Variants in GOLGA7 observed in about 807,000 individuals in gnomAD.
GOLGA7 encodes the protein golgin subfamily A member 7.
GOLGA7 carries 10 observed loss-of-function variants against 21.1 expected under a neutral mutation model. The ratio of observed to expected loss-of-function variants is 0.47; its 90% confidence interval spans 0.29 to 0.80. GOLGA7 has a LOEUF of 0.80. GOLGA7 is among the 30% of genes least tolerant of loss of function. The probability of loss-of-function intolerance (pLI) is 0.08; values close to 1 mark genes in which losing one functional copy is unlikely to be tolerated. For synonymous variants in GOLGA7, 64 were observed against 62.6 expected, an observed-to-expected ratio of 1.02 and a Z score of -0.10; for missense variants, 114 against 166.8, an observed-to-expected ratio of 0.68 and a Z score of 1.74.
At chr8:41,496,646 A>G (rs1806020569) in intron 1 of GOLGA7, among the ~76,000 whole-genome samples, 1 of 151,584 alleles carries the variant, frequency 6.6e-6, no homozygotes, top group East Asian at 1.9e-4. Flanking sequence ...TCCTTCTGCT[A>G]AAATGCCATT....
At chr8:41,506,205 A>G (rs960966936) in intron 3 of GOLGA7, among the ~76,000 whole-genome samples, 193 bp downstream of exon 3, 2 of 150,786 alleles carry the variant, frequency 1.3e-5, no homozygotes, top group African/African-American at 4.9e-5. Context: ...CTTCCATTGC[A>G]TGGTGCAGGT....
intron 2 of GOLGA7, among the ~76,000 whole-genome samples, chr8:41,504,944 C>CT (rs1317663801): frequency 6.6e-6 from 1 of 152,026 alleles, no homozygotes; most frequent in Non-Finnish European, 1.5e-5. Flanking sequence ...ACATTTGTGA[C>CT]TTTATCATTT....
At chr8:41,492,263 G>A (rs1271459275) in intron 1 of GOLGA7, among the ~76,000 whole-genome samples, 1 of 152,224 alleles carries the variant, frequency 6.6e-6, no homozygotes, top group Non-Finnish European at 1.5e-5. Context: ...ATCTACAGTG[G>A]TTTGAAGAGG....
Position 41,502,966 on chromosome 8 carries a change from G to A in GOLGA7, c.265-2945G>A, listed in dbSNP as rs183687694. Reference sequence around the variant, plus strand: ...ATGGCGCTTTGTCCTTTCTGAGATTGTGGTATGAGTTTACACATATTAATG... The same window carrying A: ...ATGGCGCTTTGTCCTTTCTGAGATTATGGTATGAGTTTACACATATTAATG... On this transcript the variant is annotated intron_variant, in intron 2 of 4. Transcript: ENST00000357743. 3.9e-3 allele frequency among the ~76,000 whole-genome samples: 601 copies of A among 152,254 alleles called. 3 individuals carry two copies. Among genetic ancestry groups the A allele is most frequent in the Middle Eastern group, 0.014 (4 of 294 alleles).
At chr8:41,496,189 C>A (rs1806009011) in intron 1 of GOLGA7, among the ~76,000 whole-genome samples, 3 of 152,074 alleles carry the variant, frequency 2.0e-5, no homozygotes, top group Non-Finnish European at 4.4e-5. Context: ...CATCTTATCA[C>A]CCTTTGTGAG....
chr8:41,506,055 A>G, intron 3 of GOLGA7, 43 bp downstream of exon 3: 1 of 972,962 alleles, frequency 1.0e-6, no homozygotes, highest in Non-Finnish European at 1.6e-6. Context: ...TATTTATAAC[A>G]AGAAAATGTT....
At position 41,490,618 on chromosome 8, in the gene GOLGA7, G is replaced by C. The variant is rs1805854334; in HGVS notation, c.-237G>C. 1 of 521,926 alleles carries C rather than the reference G, an allele frequency of 1.9e-6. No individual in the cohort carries two copies. Among genetic ancestry groups the C allele is most frequent in the African/African-American group, 2.0e-5 (1 of 49,596 alleles). The allele number at this position is 521,926 out of a possible 1,614,324, so 32.3% of individuals were successfully genotyped here. ...AGCAGCTGGAGGGCAGAGGAGGCGG[G>C]TTTGTGTTTCCCGGGCCGAACCGGG... On this transcript the variant is annotated 5_prime_UTR_variant, in exon 1 of 5. Coordinates refer to ENST00000357743, the MANE Select transcript of GOLGA7 (RefSeq NM_001002296.2).
At chr8:41,506,924 G>C in intron 3 of GOLGA7, 135 bp from the exon 4 acceptor site, 1 of 674,612 alleles carries the variant, frequency 1.5e-6, no homozygotes, top group Non-Finnish European at 2.7e-6. Flanking sequence ...GCAAACTTAA[G>C]TAGGAAAAAT....
intron 2 of GOLGA7, among the ~76,000 whole-genome samples, chr8:41,499,431 G>T (rs1470980910): frequency 6.6e-6 from 1 of 152,212 alleles, no homozygotes; most frequent in African/African-American, 2.4e-5. Context: ...CGGATCACAT[G>T]TGGGCTTGGA....
rs778407491 is a variant in GOLGA7, at chr8:41,505,973, C to T, written c.327C>T (p.Gly109=). 2 of 1,601,890 alleles carry T rather than the reference C, an allele frequency of 1.2e-6. No individual in the cohort carries two copies. The highest frequency in any genetic ancestry group is 1.7e-6 in the Non-Finnish European group (2 of 1,170,176). Residue 109 remains glycine (G), a synonymous_variant, in exon 3 of 5, where the codon GGC becomes GGT. Transcript: ENST00000357743. ...EQNEKIYAPQ[G]LLLTDPIERG... Reference sequence around the variant, plus strand: ...ATGAGAAGATCTATGCTCCACAAGGCCTCCTCCTGACAGACCCTATTGAGC... The same window carrying T: ...ATGAGAAGATCTATGCTCCACAAGGTCTCCTCCTGACAGACCCTATTGAGC...
chr8:41,492,536 C>G (rs28419258), intron 1 of GOLGA7, among the ~76,000 whole-genome samples: 1 of 152,010 alleles, frequency 6.6e-6, no homozygotes, highest in Admixed American at 6.5e-5. Context: ...GTGGCGGGCA[C>G]CTGTAATCCC....
chr8:41,497,437 A>T, intron 1 of GOLGA7, 72 bp from the exon 2 acceptor site: 1 of 827,342 alleles, frequency 1.2e-6, no homozygotes, highest in Non-Finnish European at 1.9e-6. Flanking sequence ...AAACAAGATA[A>T]ATTAATGATA....
chr8:41,496,804 CTTTTTTTTT>C (rs34657481), intron 1 of GOLGA7, among the ~76,000 whole-genome samples: 13 of 91,654 alleles, frequency 1.4e-4, no homozygotes, highest in Non-Finnish European at 1.9e-4. Context: ...CAGTTTATTG[CTTTTTTTTT>C]TTTTTTTTTT....
rs768390042 is a variant in GOLGA7, at chr8:41,497,595, C to T, written c.198C>T (p.Leu66=). The change falls in exon 2 of 5, where the codon CTC becomes CTT. Residue 66 remains leucine (L), a synonymous_variant. Coordinates refer to ENST00000357743, the MANE Select transcript of GOLGA7 (RefSeq NM_001002296.2). ...EAEKLGGQSY[L]EGCLACLTAY... ...AGAAGCTCGGCGGCCAGTCATATCT[C>T]GAAGGTTGTTTGGCTTGTTTAACAG... 30 of 1,586,650 alleles carry T rather than the reference C, an allele frequency of 1.9e-5. No individual in the cohort carries two copies. The highest frequency in any genetic ancestry group is 1.5e-4 in the Admixed American group (9 of 59,890).
rs367823501 is a variant in GOLGA7 at position 41,499,539 on chromosome 8, C to T, written c.264+1878C>T. ...CCCTGGAGTCAGGCCGCTCGATGAC[C>T]GAACTCTTCTCCAACCACCCTGGCC... is the stretch of plus-strand genomic sequence containing the variant. On this transcript the variant is annotated intron_variant, in intron 2 of 4. Transcript: ENST00000357743. Among the ~76,000 whole-genome samples, 7 of 152,258 alleles carry T rather than the reference C, an allele frequency of 4.6e-5. No homozygotes were observed. In the East Asian group the frequency reaches 5.8e-4, roughly 13 times the overall value.
In GOLGA7 at chr8:41,490,799, C is replaced by G. The variant is rs3780024; in HGVS notation, c.-56C>G. The G allele has an allele frequency of 0.01, 10,027 of 1,000,256 alleles. 713 individuals are homozygous for G. The Admixed American group carries it at 0.15, about 15-fold the overall frequency. 62.0% of individuals were successfully genotyped at this position (1,000,256 alleles called of 1,614,324 possible). The stretch of plus-strand genomic sequence containing the variant: ...AGAGTCCCGGGTCCAGGCCGGGGCT[C>G]TGACTCGCGGTTGGTGTTCCCCCGA... On this transcript the variant is annotated 5_prime_UTR_variant, in exon 1 of 5. Coordinates refer to ENST00000357743, the MANE Select transcript of GOLGA7 (RefSeq NM_001002296.2).
chr8:41,492,190 T>G (rs952170564), intron 1 of GOLGA7, among the ~76,000 whole-genome samples: 1 of 152,240 alleles, frequency 6.6e-6, no homozygotes, highest in African/African-American at 2.4e-5. Context: ...AAATGCCATT[T>G]AAATGCTGCA....
intron 2 of GOLGA7, among the ~76,000 whole-genome samples, chr8:41,503,824 T>C (rs1020688388): frequency 4.1e-5 from 6 of 147,472 alleles, no homozygotes; most frequent in Non-Finnish European, 6.0e-5. Context: ...AGCCTTGTAG[T>C]ATAGTTTGAA....
chr8:41,500,133 T>C (rs1483313066), intron 2 of GOLGA7, among the ~76,000 whole-genome samples: 1 of 152,198 alleles, frequency 6.6e-6, no homozygotes, highest in African/African-American at 2.4e-5. Context: ...AGGGCGAACA[T>C]GGTTGCTGAC....
Sources: gnomAD v4.1 joint callset for allele counts (sites outside exome capture counted in the v4.1 genomes callset) on GRCh38, gnomAD v4.1.1 for gene constraint, MANE v1.5 for transcripts, NCBI Gene and HGNC (gene_info 2026-07-23, HGNC 2026-07-21) for gene names.